The following NLRP1 variants were observed in gnomAD, a reference collection of about 807,000 sequenced individuals.
The protein encoded by NLRP1 is NLR family pyrin domain containing 1.
In NLRP1, 94 loss-of-function variants were observed where a neutral mutation model predicts 136.7. The observed-to-expected ratio is 0.69, with a 90% CI of 0.58 to 0.82. NLRP1 has a LOEUF of 0.82. NLRP1 is among the 40% of genes least tolerant of loss of function. NLRP1 has a pLI of 0.00. For synonymous variants in NLRP1, 690 were observed against 725.1 expected, an observed-to-expected ratio of 0.95 and a Z score of 0.78; for missense variants, 1,575 against 1,802.7, an observed-to-expected ratio of 0.87 and a Z score of 2.29.
At position 5,558,530 on chromosome 17, in the gene NLRP1, C is replaced by A. The variant is rs1280657159; in HGVS notation, c.2166G>T (p.Leu722Phe). 3.1e-6 allele frequency: 5 copies of A among 1,614,052 alleles called. No individual in the cohort carries two copies. In the South Asian group the frequency reaches 4.4e-5, roughly 14 times the overall value. Residue 722 changes from leucine to phenylalanine, a missense_variant, in exon 4 of 17, where the codon TTG (leucine) becomes TTT (phenylalanine). Coordinates refer to ENST00000572272, the MANE Select transcript of NLRP1 (RefSeq NM_033004.4). ...QPHSLESLHC[L>F]YETRNKTFLT... Reference sequence around the variant, plus strand: ...GGAACGTTTTGTTCCGAGTCTCGTACAAGCAGTGGAGGGACTCCAGAGAGT... The same window carrying A: ...GGAACGTTTTGTTCCGAGTCTCGTAAAAGCAGTGGAGGGACTCCAGAGAGT...
chr17:5,570,593 T>C (rs1915767764), intron 3 of NLRP1, among the ~76,000 whole-genome samples: 1 of 152,034 alleles, frequency 6.6e-6, no homozygotes, highest in South Asian at 2.1e-4. Flanking sequence ...ATTGAATCAG[T>C]AATAAAAATT....
chr17:5,521,625 A>G lies in NLRP1; in HGVS notation c.3682T>C (p.Phe1228Leu), dbSNP rs1908915344. 6.2e-7 allele frequency: 1 copy of G among 1,614,006 alleles called. No individual in the cohort carries two copies. ...LLKMIHNALR[F>L]IPVTSVVLLY... ...AACACCACAGAGGTGACGGGAATGA[A>G]GCGCAGGGCATTATGGATCATTTTC... The change falls in exon 13 of 17, where the codon TTC (phenylalanine) becomes CTC (leucine). Residue 1228 changes from phenylalanine to leucine, a missense_variant. Transcript: ENST00000572272.
downstream of NLRP1, among the ~76,000 whole-genome samples, chr17:5,511,862 T>C (rs1054308832): frequency 3.0e-5 from 3 of 101,432 alleles, no homozygotes; most frequent in African/African-American, 1.1e-4. Flanking sequence ...CTCTTCCTTT[T>C]TCTTTCTCTC....
chr17:5,563,096 A>AT (rs1914945742), intron 3 of NLRP1, among the ~76,000 whole-genome samples: 1 of 152,186 alleles, frequency 6.6e-6, no homozygotes, highest in South Asian at 2.1e-4. Flanking sequence ...TTCAAACAAG[A>AT]TAAAAACAAA....
At chr17:5,556,364 G>C (rs1031524581) in intron 4 of NLRP1, among the ~76,000 whole-genome samples, 3 of 151,818 alleles carry the variant, frequency 2.0e-5, no homozygotes, top group Non-Finnish European at 4.4e-5. Context: ...TGAGGTAAGA[G>C]GATCCCTTAA....
In NLRP1 at chr17:5,532,882, A is replaced by C; in HGVS notation, c.3236T>G (p.Phe1079Cys). The C allele has an allele frequency of 6.2e-7, 1 of 1,613,718 alleles. No homozygotes were observed. The highest frequency in any genetic ancestry group is 8.5e-7 in the Non-Finnish European group (1 of 1,179,778). Residue 1079 changes from phenylalanine (F) to cysteine (C), a missense_variant, in exon 11 of 17, where the codon TTC becomes TGC. Coordinates refer to ENST00000572272, the MANE Select transcript of NLRP1 (RefSeq NM_033004.4). ...HTKPLGTDDD[F>C]WGPTGPVATE... The stretch of plus-strand genomic sequence containing the variant: ...AGCCACAGGCCCCGTGGGGCCCCAG[A>C]AGTCATCGTCAGTCCCCAAAGGCTT...
At position 5,572,514 on chromosome 17, in the gene NLRP1, C is replaced by T. The variant is rs556873151; in HGVS notation, c.652+9345G>A. Among the ~76,000 whole-genome samples, 20 of 152,032 alleles carry T rather than the reference C, an allele frequency of 1.3e-4. No homozygotes were observed. The South Asian group carries it at 2.7e-3, about 21-fold the overall frequency. On this transcript the variant is annotated intron_variant, in intron 3 of 16. Coordinates refer to ENST00000572272, the MANE Select transcript of NLRP1 (RefSeq NM_033004.4). ...GACAGATCACTTGAGGTGAGGAATT[C>T]GAGACCAGCCTGGCCAACAGACCAT...
rs917031877 is a variant in NLRP1 at position 5,537,288 on chromosome 17, G to A, written c.2871-348C>T. Among the ~76,000 whole-genome samples the A allele has an allele frequency of 1.3e-5, 2 of 152,190 alleles. No homozygotes were observed. On this transcript the variant is annotated intron_variant, in intron 7 of 16. Coordinates refer to ENST00000572272, the MANE Select transcript of NLRP1 (RefSeq NM_033004.4). This position sits in a 1 kb window ranked among gnomAD's most constrained non-coding sequence, Gnocchi z 4.5. ...CAACATTGGCCAGTCATCGGATGTG[G>A]GCCTCCCCAGGAAGGAGATGTGGCC...
At chr17:5,521,083 G>T in intron 13 of NLRP1, 71 bp from the exon 14 acceptor site, 1 of 1,445,164 alleles carries the variant, frequency 6.9e-7, no homozygotes, top group Non-Finnish European at 9.4e-7. Flanking sequence ...TAGGGGGGAT[G>T]GTGCATCTGT....
chr17:5,549,382 G>A (rs531368870), intron 5 of NLRP1, among the ~76,000 whole-genome samples: 2 of 151,980 alleles, frequency 1.3e-5, no homozygotes, highest in African/African-American at 2.4e-5. Flanking sequence ...AGGCTGAAGC[G>A]ATTCTCCCAC....
intron 12 of NLRP1, among the ~76,000 whole-genome samples, chr17:5,526,803 T>C (rs1460332186): frequency 6.6e-6 from 1 of 152,220 alleles, no homozygotes; most frequent in African/African-American, 2.4e-5. Context: ...CTATGACTGC[T>C]GGAGCTGGTC....
At chr17:5,530,777 G>T in intron 11 of NLRP1, 73 bp from the exon 12 acceptor site, 1 of 1,175,268 alleles carries the variant, frequency 8.5e-7, no homozygotes, top group Non-Finnish European at 1.3e-6. Context: ...CAGACCCCAT[G>T]CAGGGGCTTG....
intron 15 of NLRP1, among the ~76,000 whole-genome samples, chr17:5,515,828 A>G (rs908765015): frequency 6.6e-6 from 1 of 152,168 alleles, no homozygotes; most frequent in African/African-American, 2.4e-5. Flanking sequence ...GTTGGCCTGA[A>G]TTGTATCCCT....
chr17:5,509,693 T>C (rs1039876589), downstream of NLRP1, among the ~76,000 whole-genome samples: 9 of 152,142 alleles, frequency 5.9e-5, no homozygotes, highest in African/African-American at 1.9e-4. Flanking sequence ...TTAGTAGAGA[T>C]GGGGTTTTGC....
intron 8 of NLRP1, among the ~76,000 whole-genome samples, chr17:5,534,944 G>A (rs112908423): frequency 0.055 from 8,380 of 152,258 alleles, 273 homozygotes; most frequent in Middle Eastern, 0.088. Context: ...AGATTCAGCC[G>A]GGCGCGGTGG....
intron 5 of NLRP1, among the ~76,000 whole-genome samples, chr17:5,544,953 C>T (rs747961140): frequency 3.9e-5 from 6 of 151,958 alleles, no homozygotes; most frequent in Non-Finnish European, 8.8e-5. Context: ...ATTATGGGAG[C>T]GGCTGTGTGT....
chr17:5,517,600 C>A, intron 15 of NLRP1, 146 bp downstream of exon 15: 1 of 867,748 alleles, frequency 1.2e-6, no homozygotes, highest in Non-Finnish European at 1.8e-6. Flanking sequence ...ATTGGCCAGG[C>A]TGGTCTTGAA....
intron 3 of NLRP1, among the ~76,000 whole-genome samples, chr17:5,579,864 G>A (rs781507684): frequency 2.6e-5 from 4 of 152,122 alleles, no homozygotes; most frequent in Non-Finnish European, 5.9e-5. Context: ...TAAACATTGC[G>A]TACACATGGA....
intron 8 of NLRP1, among the ~76,000 whole-genome samples, chr17:5,534,908 A>G (rs1910834043): frequency 6.6e-6 from 1 of 152,118 alleles, no homozygotes; most frequent in African/African-American, 2.4e-5. Flanking sequence ...GCGCTTAACA[A>G]TCATCTGGAA....
Sources: gnomAD v4.1 joint callset for allele counts (sites outside exome capture counted in the v4.1 genomes callset) on GRCh38, gnomAD v4.1.1 for gene constraint, Gnocchi (gnomAD v3.1) non-coding constraint, MANE v1.5 for transcripts, NCBI Gene and HGNC (gene_info 2026-07-23, HGNC 2026-07-21) for gene names.